Variants in MSH3 observed in about 807,000 individuals in gnomAD.
MSH3 encodes mutS homolog 3, also known as DNA mismatch repair protein Msh3.
Under a neutral mutation model 123.3 loss-of-function variants are expected in MSH3, and 106 were observed. The ratio of observed to expected loss-of-function variants is 0.86; its 90% CI spans 0.73 to 1.01. The LOEUF is 1.01. Ranked by LOEUF, MSH3 falls within the 50% of genes least tolerant of loss-of-function variation. MSH3 has a pLI of 0.00. For synonymous variants in MSH3, 515 were observed against 481.4 expected (o/e 1.07, Z -0.91); for missense variants, 1,459 against 1,347.6 (o/e 1.08, Z -1.29).
intron 20 of MSH3, among the ~76,000 whole-genome samples, chr5:80,831,011 C>G (rs182718549): frequency 1.0e-3 from 157 of 152,246 alleles, no homozygotes; most frequent in African/African-American, 3.7e-3. Flanking sequence ...TTATAATACA[C>G]ATGCTTCTCA....
chr5:80,751,400 T>C lies in MSH3; in HGVS notation c.1763+6785T>C, dbSNP rs1008429198. Among the ~76,000 whole-genome samples, 20 of 152,174 alleles carry C rather than the reference T, an allele frequency of 1.3e-4. 1 individual carries two copies. Among genetic ancestry groups the C allele is most frequent in the South Asian group, 4.1e-4 (2 of 4,826 alleles). The stretch of plus-strand genomic sequence containing the variant: ...ACTATCTGATTTTCGACAAACCCGA[T>C]ACAAACAAGCAATGGGGAAAGGATT... On this transcript the variant is annotated intron_variant, in intron 12 of 23. Transcript: ENST00000265081.
At chr5:80,701,952 T>C (rs914222795) in intron 8 of MSH3, among the ~76,000 whole-genome samples, 2 of 152,098 alleles carry the variant, frequency 1.3e-5, no homozygotes, top group African/African-American at 4.8e-5. Context: ...CCTGGTATGG[T>C]TTTTCTGTAC....
chr5:80,699,259 A>T (rs1044534429), intron 8 of MSH3, among the ~76,000 whole-genome samples: 1 of 152,198 alleles, frequency 6.6e-6, no homozygotes, highest in Admixed American at 6.5e-5. Context: ...TTTTTTAAAC[A>T]TAGAAGGGTT....
chr5:80,682,138 T>A (rs1749986365), intron 8 of MSH3, among the ~76,000 whole-genome samples: 1 of 152,186 alleles, frequency 6.6e-6, no homozygotes, highest in Non-Finnish European at 1.5e-5. Flanking sequence ...CTAATTTATA[T>A]CTATGGACAG....
chr5:80,785,691 C>T (rs550013073), intron 17 of MSH3, among the ~76,000 whole-genome samples: 1 of 152,164 alleles, frequency 6.6e-6, no homozygotes, highest in South Asian at 2.1e-4. Context: ...CACATGCACA[C>T]GTATGTTTAT....
intron 20 of MSH3, among the ~76,000 whole-genome samples, chr5:80,848,307 G>A (rs1745761204): frequency 6.6e-6 from 1 of 152,166 alleles, no homozygotes; most frequent in Admixed American, 6.5e-5. Context: ...AAATTTTTCA[G>A]TGATCATATT....
chr5:80,808,040 G>C (rs1744923109), intron 19 of MSH3, among the ~76,000 whole-genome samples: 1 of 152,146 alleles, frequency 6.6e-6, no homozygotes. Flanking sequence ...AATTTTAAAA[G>C]TGTTCTCTAT....
In MSH3 at chr5:80,725,306, C is replaced by G. The variant is rs1002269704; in HGVS notation, c.1341-147C>G. ...GAGCATTTTGGCAGAGAAACTTTAG[C>G]TCTTTCTTTCTCTCTCTTTCTTCAA... On this transcript the variant is annotated intron_variant, in intron 8 of 23. Coordinates refer to ENST00000265081, the MANE Select transcript of MSH3 (RefSeq NM_002439.5). 4 of 593,004 alleles carry G rather than the reference C, an allele frequency of 6.7e-6. No individual in the cohort carries two copies. In the Admixed American group the frequency reaches 1.2e-4, roughly 18 times the overall value. 36.7% of individuals were successfully genotyped at this position (593,004 alleles called of 1,614,324 possible).
chr5:80,778,748 C>A lies in MSH3; in HGVS notation c.2347C>A (p.Pro783Thr), dbSNP rs778848549. 7 of 1,612,286 alleles carry A rather than the reference C, an allele frequency of 4.3e-6. No individual in the cohort carries two copies. The highest frequency in any genetic ancestry group is 5.9e-6 in the Non-Finnish European group (7 of 1,178,326). The change falls in exon 17 of 24, where the codon CCT becomes ACT. Residue 783 changes from proline to threonine, a missense_variant. Pro to Thr is a conservative substitution (Grantham distance 38). Coordinates refer to ENST00000265081, the MANE Select transcript of MSH3 (RefSeq NM_002439.5). The stretch of plus-strand genomic sequence containing the variant: ...AAAAGCTGTGAGCCGCTTTCACTCT[C>A]CTTTTATTGTAGAAAATTACAGACA... ...STKAVSRFHS[P>T]FIVENYRHLN...
intron 19 of MSH3, among the ~76,000 whole-genome samples, chr5:80,808,527 C>T (rs906463506): frequency 1.3e-5 from 2 of 151,930 alleles, no homozygotes; most frequent in Admixed American, 6.6e-5. Flanking sequence ...TGGATGGTGT[C>T]GGGAAGAAAC....
intron 8 of MSH3, among the ~76,000 whole-genome samples, chr5:80,688,269 A>G (rs1273834240): frequency 6.6e-6 from 1 of 152,252 alleles, no homozygotes; most frequent in Non-Finnish European, 1.5e-5. Flanking sequence ...GCAGATTTAA[A>G]GAAAACATTG....
At chr5:80,684,754 G>A (rs529372951) in intron 8 of MSH3, among the ~76,000 whole-genome samples, 1 of 152,154 alleles carries the variant, frequency 6.6e-6, no homozygotes, top group South Asian at 2.1e-4. Context: ...TAGAGGAAAG[G>A]CTTGCAATAT....
chr5:80,809,568 T>C (rs190699511), intron 19 of MSH3, among the ~76,000 whole-genome samples: 2 of 152,352 alleles, frequency 1.3e-5, no homozygotes, highest in East Asian at 3.9e-4. Context: ...TTGGTCCCTC[T>C]CATGTGCTTG....
intron 8 of MSH3, among the ~76,000 whole-genome samples, chr5:80,717,886 G>T (rs532598064): frequency 6.6e-6 from 1 of 152,130 alleles, no homozygotes; most frequent in African/African-American, 2.4e-5. Flanking sequence ...TAAATTCAGC[G>T]TGATGATGGA....
intron 22 of MSH3, among the ~76,000 whole-genome samples, chr5:80,872,865 G>A (rs147604675): frequency 1.0e-3 from 158 of 152,238 alleles, no homozygotes; most frequent in African/African-American, 3.6e-3. Context: ...GTTCAAATTT[G>A]CAATGAATCA....
At chr5:80,849,237 C>G (rs1004987462) in intron 20 of MSH3, among the ~76,000 whole-genome samples, 1 of 152,146 alleles carries the variant, frequency 6.6e-6, no homozygotes, top group Non-Finnish European at 1.5e-5. Context: ...AGGGTACAGC[C>G]TCCCTCCCAG....
At chr5:80,757,795 G>A (rs1743955402) in intron 12 of MSH3, among the ~76,000 whole-genome samples, 1 of 152,024 alleles carries the variant, frequency 6.6e-6, no homozygotes, top group Non-Finnish European at 1.5e-5. Context: ...TCTCTATTGT[G>A]TGGCCTGACA....
intron 8 of MSH3, among the ~76,000 whole-genome samples, chr5:80,712,725 C>G (rs2112846180): frequency 6.6e-6 from 1 of 150,412 alleles, no homozygotes; most frequent in Admixed American, 6.6e-5. Flanking sequence ...ATTTTTATAT[C>G]TTTTAAATAA....
intron 21 of MSH3, among the ~76,000 whole-genome samples, chr5:80,859,160 A>C (rs933686004): frequency 6.6e-6 from 1 of 151,934 alleles, no homozygotes; most frequent in Non-Finnish European, 1.5e-5. Flanking sequence ...TCACTCTGTC[A>C]CCCAGGCTGG....
Sources: allele counts gnomAD v4.1 joint callset (sites outside exome capture counted in the v4.1 genomes callset), GRCh38; gene constraint gnomAD v4.1.1; transcripts MANE v1.5; gene names NCBI Gene and HGNC (gene_info 2026-07-23, HGNC 2026-07-21).